ADCY9: variants seen among roughly 807,000 people sequenced by gnomAD.
The protein encoded by ADCY9 is adenylate cyclase type 9.
ADCY9 carries 50 observed loss-of-function variants against 101.5 expected under a neutral mutation model. The ratio of observed to expected loss-of-function variants is 0.49; its 90% CI spans 0.39 to 0.62. The LOEUF (loss-of-function observed/expected upper bound fraction) is 0.62. ADCY9 is among the 20% of genes least tolerant of loss of function. The pLI, the probability that ADCY9 is intolerant of heterozygous loss-of-function variation, is 0.00. For synonymous variants in ADCY9, 905 were observed against 769.3 expected (o/e 1.18, Z -2.92); for missense variants, 1,662 against 1,800.4 (o/e 0.92, Z 1.39).
intron 10 of ADCY9, among the ~76,000 whole-genome samples, chr16:3,974,254 C>T (rs536560498): frequency 6.8e-4 from 103 of 151,878 alleles, no homozygotes; most frequent in Middle Eastern, 3.4e-3. Flanking sequence ...CCGTGTTAGC[C>T]AGGATGGTCT....
chr16:4,036,899 C>T (rs928360253), intron 2 of ADCY9, among the ~76,000 whole-genome samples: 8 of 152,126 alleles, frequency 5.3e-5, no homozygotes, highest in East Asian at 1.9e-4. Flanking sequence ...TTCTCCTCCC[C>T]GCCACTCACC....
chr16:4,025,591 G>C (rs2056509329), intron 2 of ADCY9, among the ~76,000 whole-genome samples: 1 of 152,184 alleles, frequency 6.6e-6, no homozygotes, highest in Admixed American at 6.5e-5. Flanking sequence ...TCAGTCCTTT[G>C]GAGAAGTCTG....
chr16:4,061,126 G>A (rs894700008), intron 2 of ADCY9, among the ~76,000 whole-genome samples: 2 of 151,904 alleles, frequency 1.3e-5, no homozygotes, highest in East Asian at 1.9e-4. Context: ...TGACATGGGA[G>A]AAGAAAGAAT....
At chr16:4,026,751 A>G (rs7196832) in intron 2 of ADCY9, among the ~76,000 whole-genome samples, 84,650 of 151,968 alleles carry the variant, frequency 0.56, 24,473 homozygotes, top group East Asian at 0.64. Context: ...CAAAGGGTAC[A>G]TGCTGTGTGG....
intron 2 of ADCY9, among the ~76,000 whole-genome samples, chr16:4,035,765 G>A (rs530097896): frequency 5.3e-5 from 8 of 152,092 alleles, no homozygotes; most frequent in South Asian, 4.2e-4. Flanking sequence ...TTGGGATGCC[G>A]AGGCAGGCGG....
rs1036557466 is a variant in ADCY9 at position 4,050,767 on chromosome 16, G to C, written c.1694-43209C>G. Among the ~76,000 whole-genome samples the C allele has an allele frequency of 6.1e-5, 9 of 147,922 alleles. No homozygotes were observed. In the South Asian group the frequency reaches 2.0e-3, roughly 32 times the overall value. ...TAACTACGCTGCTTGAGAAGTCCTT[G>C]TAGCCGTAATAGCCCAGTAGCGTGA... On this transcript the variant is annotated intron_variant, in intron 2 of 10. Transcript: ENST00000294016.
At chr16:4,041,470 G>A (rs981106976) in intron 2 of ADCY9, among the ~76,000 whole-genome samples, 1 of 138,514 alleles carries the variant, frequency 7.2e-6, no homozygotes, top group African/African-American at 2.7e-5. Flanking sequence ...CTGGGCGATC[G>A]AGCAAGGGCG....
intron 2 of ADCY9, among the ~76,000 whole-genome samples, chr16:4,028,549 C>G (rs2056532965): frequency 6.6e-6 from 1 of 152,124 alleles, no homozygotes; most frequent in Non-Finnish European, 1.5e-5. Flanking sequence ...CTAGAAAAAG[C>G]AAATCTATAG....
chr16:4,035,381 A>G (rs1192400905), intron 2 of ADCY9, among the ~76,000 whole-genome samples: 4 of 152,314 alleles, frequency 2.6e-5, no homozygotes, highest in Admixed American at 2.6e-4. Context: ...ATACACAATG[A>G]TATGTGGGTA....
At chr16:4,071,332 C>CAAAAAAAAAAAAAAAAAAAAAAAAAAAA (rs530420293) in intron 2 of ADCY9, among the ~76,000 whole-genome samples, 3 of 70,530 alleles carry the variant, frequency 4.3e-5, no homozygotes, top group Non-Finnish European at 7.8e-5. Context: ...ACTCAGTCTC[C>CAAAAAAAAAAAAAAAAAAAAAAAAAAAA]AAAAAAAAAA....
intron 2 of ADCY9, among the ~76,000 whole-genome samples, chr16:4,070,114 GTGTGTA>G (rs1225594984): frequency 9.4e-6 from 1 of 106,270 alleles, no homozygotes; most frequent in Admixed American, 8.3e-5. Flanking sequence ...ATATGTATGT[GTGTGTA>G]TGTGTGTGTG....
chr16:4,075,821 G>A (rs758944688), intron 2 of ADCY9, among the ~76,000 whole-genome samples: 7 of 145,262 alleles, frequency 4.8e-5, no homozygotes, highest in Non-Finnish European at 1.1e-4. Flanking sequence ...GTGGGCAGGG[G>A]TCCAACCTGC....
At chr16:4,104,970 G>A (rs1265119466) in intron 2 of ADCY9, among the ~76,000 whole-genome samples, 1 of 151,852 alleles carries the variant, frequency 6.6e-6, no homozygotes, top group Non-Finnish European at 1.5e-5. Context: ...TCGAGAGGCT[G>A]AGGCAGGAGA....
At chr16:4,072,527 C>A (rs2056840987) in intron 2 of ADCY9, among the ~76,000 whole-genome samples, 1 of 152,178 alleles carries the variant, frequency 6.6e-6, no homozygotes, top group Non-Finnish European at 1.5e-5. Flanking sequence ...ACTGTCTCTT[C>A]TCGCTGCAGC....
At chr16:4,008,574 T>C (rs2056382843) in intron 2 of ADCY9, among the ~76,000 whole-genome samples, 1 of 150,974 alleles carries the variant, frequency 6.6e-6, no homozygotes, top group Non-Finnish European at 1.5e-5. Context: ...GTCCCTTCTT[T>C]TTTTTTTTTT....
chr16:4,053,298 A>G (rs1362354170), intron 2 of ADCY9, among the ~76,000 whole-genome samples: 1 of 152,240 alleles, frequency 6.6e-6, no homozygotes, highest in African/African-American at 2.4e-5. Context: ...AACATCTAAG[A>G]TTAACAGTGA....
chr16:4,084,888 G>A (rs928747483), intron 2 of ADCY9, among the ~76,000 whole-genome samples: 1 of 152,178 alleles, frequency 6.6e-6, no homozygotes, highest in African/African-American at 2.4e-5. Flanking sequence ...CTTAACTTGC[G>A]CATTTATGAT....
chr16:4,095,174 G>A (rs1421600591), intron 2 of ADCY9, among the ~76,000 whole-genome samples: 1 of 107,030 alleles, frequency 9.3e-6, no homozygotes, highest in African/African-American at 3.5e-5. Context: ...GCTAATTTTT[G>A]TATTTTTAGT....
chr16:4,022,929 C>T (rs373234654), intron 2 of ADCY9, among the ~76,000 whole-genome samples: 9 of 152,188 alleles, frequency 5.9e-5, no homozygotes, highest in African/African-American at 2.2e-4. Context: ...ATCCTACTAA[C>T]ACCTTACATT....
Sources: allele counts gnomAD v4.1 joint callset (sites outside exome capture counted in the v4.1 genomes callset), GRCh38; gene constraint gnomAD v4.1.1; transcripts MANE v1.5; gene names NCBI Gene and HGNC (gene_info 2026-07-23, HGNC 2026-07-21).